Variants in STK24 observed in about 807,000 individuals in gnomAD.
STK24 encodes the protein serine/threonine kinase 24.
A neutral mutation model predicts 55.6 loss-of-function variants in STK24; 21 were observed. The ratio of observed to expected loss-of-function variants is 0.38; its 90% CI spans 0.27 to 0.54. The LOEUF is 0.54. Ranked by LOEUF, STK24 falls within the 20% of genes least tolerant of loss-of-function variation. The pLI is 0.79. For missense variants in STK24, 383 were observed against 538.4 expected, an observed-to-expected ratio of 0.71 and a Z score of 2.86; for synonymous variants, 200 against 215.2, an observed-to-expected ratio of 0.93 and a Z score of 0.62.
At chr13:98,576,615 G>A (rs1432278800) in intron 1 of STK24, 130 bp downstream of exon 1, 1 of 699,258 alleles carries the variant, frequency 1.4e-6, no homozygotes, top group Non-Finnish European at 2.1e-6. Context: ...CGGCCGAGCC[G>A]GGCGCGCGGG....
intron 6 of STK24, 89 bp from the exon 7 acceptor site, chr13:98,463,925 C>A: frequency 7.0e-7 from 1 of 1,435,292 alleles, no homozygotes; most frequent in South Asian, 1.3e-5. Context: ...ATGTCAACCG[C>A]CACACTGACA....
At chr13:98,459,915 G>A (rs1413696753) in intron 9 of STK24, among the ~76,000 whole-genome samples, 2 of 152,312 alleles carry the variant, frequency 1.3e-5, no homozygotes, top group African/African-American at 4.8e-5. Context: ...AGTGGGCGTG[G>A]GGAGGCCCAG....
Position 98,474,918 on chromosome 13 carries a change from C to T in STK24, c.500G>A (p.Gly167Asp). The T allele has an allele frequency of 6.2e-7, 1 of 1,614,088 alleles. No homozygotes were observed. The highest frequency in any genetic ancestry group is 8.5e-7 in the Non-Finnish European group (1 of 1,179,998). The change falls in exon 5 of 11, where the codon GGC (glycine) becomes GAC (aspartate). Residue 167 changes from glycine to aspartate, a missense_variant. Gly to Asp is a moderately conservative substitution (Grantham distance 94). Coordinates refer to ENST00000539966, the MANE Select transcript of STK24 (RefSeq NM_001032296.4). Reference sequence around the variant, plus strand: ...TTTGATCTGGGTGTCTGTCAGCTGGCCAGCCACGCCAAAGTCCGCCAGCTT... The same window carrying T: ...TTTGATCTGGGTGTCTGTCAGCTGGTCAGCCACGCCAAAGTCCGCCAGCTT... ...EVKLADFGVA[G>D]QLTDTQIKRN... is the part of the protein sequence containing the mutation.
chr13:98,466,239 T>C (rs1001283533), intron 6 of STK24, 137 bp downstream of exon 6: 1 of 786,478 alleles, frequency 1.3e-6, no homozygotes, highest in Non-Finnish European at 1.8e-6. Flanking sequence ...AAGTCAATCA[T>C]ACTTACTTAG....
chr13:98,543,443 T>G (rs1341137225), intron 1 of STK24, among the ~76,000 whole-genome samples: 1 of 151,908 alleles, frequency 6.6e-6, no homozygotes, highest in Non-Finnish European at 1.5e-5. Flanking sequence ...CCTCTCAGAG[T>G]GGGGCCTCAG....
intron 5 of STK24, among the ~76,000 whole-genome samples, chr13:98,468,916 A>G (rs959582871): frequency 1.2e-4 from 19 of 152,246 alleles, no homozygotes; most frequent in African/African-American, 2.9e-4. Flanking sequence ...GCTACTGAAC[A>G]TGATCTCTGA....
intron 1 of STK24, among the ~76,000 whole-genome samples, chr13:98,545,875 G>A (rs779224090): frequency 1.3e-5 from 2 of 151,776 alleles, no homozygotes; most frequent in Non-Finnish European, 2.9e-5. Context: ...AGGGAAAACC[G>A]ACAAAATGAA....
intron 2 of STK24, among the ~76,000 whole-genome samples, chr13:98,503,484 C>T (rs985601164): frequency 1.3e-5 from 2 of 152,250 alleles, no homozygotes; most frequent in Non-Finnish European, 2.9e-5. Context: ...GTTTATATGG[C>T]TGCCTCACAT....
chr13:98,490,206 C>T (rs1894965714), intron 2 of STK24, among the ~76,000 whole-genome samples: 1 of 152,220 alleles, frequency 6.6e-6, no homozygotes, highest in Admixed American at 6.5e-5. Flanking sequence ...GCTTCCTTTG[C>T]TGGCTCCTGT....
chr13:98,523,924 TTG>T (rs1310525450), intron 1 of STK24, among the ~76,000 whole-genome samples: 1 of 152,072 alleles, frequency 6.6e-6, no homozygotes, highest in Non-Finnish European at 1.5e-5. Context: ...AGCCCATCTG[TTG>T]TGAGATGCCT....
At chr13:98,572,853 A>C (rs1897778287) in intron 1 of STK24, among the ~76,000 whole-genome samples, 1 of 152,256 alleles carries the variant, frequency 6.6e-6, no homozygotes, top group Admixed American at 6.5e-5. Flanking sequence ...GACGTATATA[A>C]TTCAGTATTT....
intron 1 of STK24, among the ~76,000 whole-genome samples, chr13:98,541,914 C>A (rs1896899249): frequency 6.6e-6 from 1 of 152,198 alleles, no homozygotes; most frequent in African/African-American, 2.4e-5. Flanking sequence ...CCACTCACTA[C>A]TCCATTACTG....
At chr13:98,548,793 T>G (rs1373311915) in intron 1 of STK24, among the ~76,000 whole-genome samples, 3 of 133,462 alleles carry the variant, frequency 2.2e-5, no homozygotes, top group Admixed American at 9.1e-5. Context: ...ACTTGAGAGG[T>G]GGAGGTTGCA....
intron 2 of STK24, among the ~76,000 whole-genome samples, chr13:98,506,114 A>G (rs1895670980): frequency 6.6e-6 from 1 of 152,234 alleles, no homozygotes; most frequent in African/African-American, 2.4e-5. Flanking sequence ...AACACCAATT[A>G]AGTTTTACGT....
chr13:98,518,329 A>C (rs1170351846), intron 2 of STK24, among the ~76,000 whole-genome samples: 2 of 152,212 alleles, frequency 1.3e-5, no homozygotes, highest in East Asian at 3.8e-4. Flanking sequence ...ACAAGTTGTA[A>C]CTTAGAGACT....
chr13:98,515,339 A>G (rs1896019842), intron 2 of STK24, among the ~76,000 whole-genome samples: 1 of 151,988 alleles, frequency 6.6e-6, no homozygotes, highest in Non-Finnish European at 1.5e-5. Flanking sequence ...CGTGGATGGT[A>G]CCTCAGTGGC....
chr13:98,515,040 A>G (rs1413509929), intron 2 of STK24, among the ~76,000 whole-genome samples: 1 of 151,930 alleles, frequency 6.6e-6, no homozygotes. Flanking sequence ...GGCTATAACT[A>G]AAAGTGAATC....
intron 3 of STK24, among the ~76,000 whole-genome samples, chr13:98,478,569 G>A (rs1343559260): frequency 6.6e-6 from 1 of 152,246 alleles, no homozygotes; most frequent in Non-Finnish European, 1.5e-5. Context: ...CAGAGCCACT[G>A]ACCCCATGTG....
intron 2 of STK24, 40 bp downstream of exon 2, chr13:98,519,203 A>C (rs371779636): frequency 6.5e-7 from 1 of 1,544,918 alleles, no homozygotes; most frequent in South Asian, 1.1e-5. Context: ...ACCTCAGCCA[A>C]GTGCTGCAGA....
Sources: gnomAD v4.1 joint callset for allele counts (sites outside exome capture counted in the v4.1 genomes callset) on GRCh38, gnomAD v4.1.1 for gene constraint, MANE v1.5 for transcripts, NCBI Gene and HGNC (gene_info 2026-07-23, HGNC 2026-07-21) for gene names.